Variants in CFAP58 observed in about 807,000 individuals in gnomAD.
CFAP58 encodes cilia and flagella associated protein 58.
CFAP58 carries 88 observed loss-of-function variants against 119.5 expected under a neutral mutation model. The ratio of observed to expected loss-of-function variants is 0.74; its 90% CI spans 0.62 to 0.88. The LOEUF (loss-of-function observed/expected upper bound fraction) is 0.88. Among genes scored for constraint, CFAP58 ranks in the 40% least tolerant of loss-of-function variants. The pLI is 0.00. For missense variants in CFAP58, 990 were observed against 1,021.2 expected (o/e 0.97, Z 0.42); for synonymous variants, 365 against 366.3 (o/e 1.00, Z 0.04).
chr10:104,404,810 C>G (rs1222216164), intron 14 of CFAP58, among the ~76,000 whole-genome samples: 1 of 152,150 alleles, frequency 6.6e-6, no homozygotes. Flanking sequence ...ACGGTTTCAC[C>G]GTGGTCTCAA....
chr10:104,365,803 G>A lies in CFAP58; in HGVS notation c.598-11G>A, dbSNP rs116941633. The A allele has an allele frequency of 2.5e-4, 399 of 1,598,118 alleles. 8 individuals carry two copies. The East Asian group carries it at 6.4e-3, about 26-fold the overall frequency. ...CATCTCTTTCTCTCTTGTCCTTTCC[G>A]CAACCTCTAGTTCCAACAAGAAATC... On this transcript the variant is annotated splice_polypyrimidine_tract_variant and intron_variant, in intron 4 of 17. Coordinates refer to ENST00000369704, the MANE Select transcript of CFAP58 (RefSeq NM_001008723.2).
chr10:104,434,830 A>G (rs1211208078), intron 15 of CFAP58, among the ~76,000 whole-genome samples: 8 of 152,162 alleles, frequency 5.3e-5, no homozygotes, highest in Non-Finnish European at 1.0e-4. Context: ...CTCTCCCATT[A>G]GACTCTAAAT....
chr10:104,353,789 G>C (rs1301940143), upstream of CFAP58: 21 of 1,374,346 alleles, frequency 1.5e-5, no homozygotes, highest in Non-Finnish European at 2.0e-5. Context: ...TTCCGCTCGG[G>C]GCGGGCGATA....
intron 1 of CFAP58, among the ~76,000 whole-genome samples, chr10:104,357,886 T>TGTACAC (rs2014582121): frequency 8.2e-6 from 1 of 121,446 alleles, no homozygotes; most frequent in African/African-American, 4.1e-5. Flanking sequence ...TGTACACATA[T>TGTACAC]ATAAACATAT....
At chr10:104,408,262 C>T (rs2012397680) in intron 15 of CFAP58, among the ~76,000 whole-genome samples, 4 of 152,184 alleles carry the variant, frequency 2.6e-5, no homozygotes. Flanking sequence ...AGTTTCAATC[C>T]TTGATCATTT....
rs2011943255 is a variant in CFAP58 at position 104,387,267 on chromosome 10, C to A, written c.1366-4966C>A. Among the ~76,000 whole-genome samples, 3 of 152,358 alleles carry A rather than the reference C, an allele frequency of 2.0e-5. No homozygotes were observed. The South Asian group carries it at 6.2e-4, about 32-fold the overall frequency. ...TTGACAGAGGTTCAGCTGACCTAAA[C>A]TGGGCTTGCCTGGACTTGGCTCTGG... is the stretch of plus-strand genomic sequence containing the variant. On this transcript the variant is annotated intron_variant, in intron 9 of 17. Transcript: ENST00000369704.
chr10:104,367,404 T>C (rs935996043), intron 5 of CFAP58, among the ~76,000 whole-genome samples: 2 of 152,188 alleles, frequency 1.3e-5, no homozygotes, highest in Non-Finnish European at 2.9e-5. Context: ...CATATAGCAG[T>C]TTTATACTCA....
At chr10:104,396,557 C>T (rs549756007) in intron 11 of CFAP58, among the ~76,000 whole-genome samples, 2 of 152,250 alleles carry the variant, frequency 1.3e-5, no homozygotes, top group Admixed American at 1.3e-4. Flanking sequence ...CTATGAAACT[C>T]GTGTTGAGAT....
At chr10:104,389,480 CT>C (rs1589918572) in intron 9 of CFAP58, among the ~76,000 whole-genome samples, 1 of 152,116 alleles carries the variant, frequency 6.6e-6, no homozygotes, top group Non-Finnish European at 1.5e-5. Context: ...AATTTTTTTC[CT>C]TTCTCTAACG....
intron 15 of CFAP58, among the ~76,000 whole-genome samples, chr10:104,420,751 A>ATTTTTTTTTTTTTTTT (rs66462966): frequency 8.2e-6 from 1 of 121,624 alleles, no homozygotes. Context: ...TTTATATTTG[A>ATTTTTTTTTTTTTTTT]TTTTTTTTTT....
intron 9 of CFAP58, among the ~76,000 whole-genome samples, chr10:104,388,142 A>T (rs1420997405): frequency 6.6e-6 from 1 of 152,280 alleles, no homozygotes; most frequent in East Asian, 1.9e-4. Flanking sequence ...AGGGAACACA[A>T]ATTATAAGCT....
At chr10:104,433,255 G>A (rs1389029587) in intron 15 of CFAP58, among the ~76,000 whole-genome samples, 3 of 152,168 alleles carry the variant, frequency 2.0e-5, no homozygotes, top group African/African-American at 7.2e-5. Flanking sequence ...CACAGCATGT[G>A]CCTAATTTTT....
At chr10:104,339,048 A>G in the CFAP58 span, among the ~76,000 whole-genome samples, 2 of 151,898 alleles carry the variant, frequency 1.3e-5, no homozygotes, top group Admixed American at 6.6e-5. Context: ...AGCTGGGATT[A>G]CAGGCATGTG....
chr10:104,398,645 C>A (rs1427740835), intron 11 of CFAP58, among the ~76,000 whole-genome samples: 2 of 152,170 alleles, frequency 1.3e-5, no homozygotes, highest in African/African-American at 4.8e-5. Flanking sequence ...AGTCCTGCTA[C>A]CCCCAGTCTA....
intron 7 of CFAP58, among the ~76,000 whole-genome samples, chr10:104,373,373 C>T (rs1382900752): frequency 6.6e-6 from 1 of 152,130 alleles, no homozygotes; most frequent in Non-Finnish European, 1.5e-5. Context: ...GTGGCTTACA[C>T]CTATAATCCC....
intron 15 of CFAP58, among the ~76,000 whole-genome samples, chr10:104,442,339 C>T (rs1228766912): frequency 6.6e-6 from 1 of 152,088 alleles, no homozygotes; most frequent in Non-Finnish European, 1.5e-5. Context: ...CCTGTAATCC[C>T]AGCACTTTGG....
Position 104,365,901 on chromosome 10 carries a change from C to T in CFAP58, c.685C>T (p.Gln229Ter), listed in dbSNP as rs768025737. 1.2e-6 allele frequency: 2 copies of T among 1,613,552 alleles called. No individual in the cohort carries two copies. The highest frequency in any genetic ancestry group is 1.7e-6 in the Non-Finnish European group (2 of 1,179,806). ...EKLEKELKQI[Q>*]ADMDSRQTEI... ...ACTAGAGAAAGAGCTCAAGCAGATT[C>T]AGGCAGACATGGACAGCAGGCAGAC... The change falls in exon 5 of 18, where the codon CAG (glutamine) becomes TAG (stop). Residue 229 changes from glutamine to a stop codon, truncating the protein, a stop_gained. Transcript: ENST00000369704. LOFTEE classifies it high-confidence loss of function.
At chr10:104,341,155 A>T in the CFAP58 span, among the ~76,000 whole-genome samples, 109 of 152,342 alleles carry the variant, frequency 7.2e-4, no homozygotes, top group African/African-American at 2.5e-3. Flanking sequence ...TCGGTTGTTT[A>T]TCCTGGTCCC....
Position 104,357,976 on chromosome 10 carries a change from T to TACATATGTACACATATATGTAC in CFAP58, c.10-358_10-337dup, listed in dbSNP as rs1564876246. On this transcript the variant is annotated intron_variant, in intron 1 of 17. Coordinates refer to ENST00000369704, the MANE Select transcript of CFAP58 (RefSeq NM_001008723.2). Reference sequence around the variant, plus strand: ...ATATACACATATATGTACACATATGTACATATGTACACATATATGTACACA... The same window carrying TACATATGTACACATATATGTAC: ...ATATACACATATATGTACACATATGTACATATGTACACATATATGTACACATATGTACACATATATGTACACA... Among the ~76,000 whole-genome samples, 13 of 135,346 alleles carry TACATATGTACACATATATGTAC rather than the reference T, an allele frequency of 9.6e-5. No individual in the cohort carries two copies. In the East Asian group the frequency reaches 2.4e-3, roughly 25 times the overall value. The allele number at this position is 135,346 out of a possible 152,430, so 88.8% of individuals were successfully genotyped here.
Sources: allele counts gnomAD v4.1 joint callset (sites outside exome capture counted in the v4.1 genomes callset), GRCh38; gene constraint gnomAD v4.1.1; transcripts MANE v1.5; gene names NCBI Gene and HGNC (gene_info 2026-07-23, HGNC 2026-07-21).